The following IL1RAPL1 variants were observed in gnomAD, a reference collection of about 807,000 sequenced individuals.
IL1RAPL1 encodes interleukin-1 receptor accessory protein-like 1.
IL1RAPL1 carries 3 observed loss-of-function variants against 48.4 expected under a neutral mutation model. The ratio of observed to expected loss-of-function variants is 0.06; its 90% confidence interval spans 0.03 to 0.16. The LOEUF (loss-of-function observed/expected upper bound fraction) is 0.16. Among genes scored for constraint, IL1RAPL1 ranks in the 10% least tolerant of loss-of-function variants. IL1RAPL1 has a pLI of 1.00. For missense variants in IL1RAPL1, 349 were observed against 530.6 expected, an observed-to-expected ratio of 0.66 and a Z score of 3.36; for synonymous variants, 185 against 187.7, an observed-to-expected ratio of 0.99 and a Z score of 0.12.
intron 5 of IL1RAPL1, among the ~76,000 whole-genome samples, chrX:29,553,946 AGG>A (rs1483697828): frequency 9.6e-6 from 1 of 104,251 alleles, no homozygotes; most frequent in Non-Finnish European, 2.0e-5. Flanking sequence ...TTTTTATTCG[AGG>A]GAAACTAATT....
chrX:29,200,025 G>A (rs914523169), intron 2 of IL1RAPL1, among the ~76,000 whole-genome samples: 19 of 111,220 alleles, frequency 1.7e-4, no homozygotes, highest in African/African-American at 5.9e-4. Context: ...TGTTTGTTCA[G>A]GATATACCCA....
chrX:29,252,167 A>T (rs1373098175), intron 2 of IL1RAPL1, among the ~76,000 whole-genome samples: 1 of 112,864 alleles, frequency 8.9e-6, no homozygotes, highest in Non-Finnish European at 1.9e-5. Context: ...CTAATGCTAG[A>T]TGACGAGTTA....
chrX:29,461,636 T>C (rs1055116650), intron 5 of IL1RAPL1, among the ~76,000 whole-genome samples: 3 of 111,427 alleles, frequency 2.7e-5, no homozygotes, highest in Non-Finnish European at 5.7e-5. Context: ...AGTGAATAGA[T>C]AAACAAAATA....
intron 2 of IL1RAPL1, among the ~76,000 whole-genome samples, chrX:29,215,188 A>G (rs1333008514): frequency 9.1e-6 from 1 of 110,411 alleles, no homozygotes; most frequent in East Asian, 2.8e-4. Context: ...TCTCTACTAA[A>G]AATACAAAAA....
At chrX:29,873,783 G>A (rs922052646) in intron 6 of IL1RAPL1, among the ~76,000 whole-genome samples, 6 of 111,805 alleles carry the variant, frequency 5.4e-5, no homozygotes, top group East Asian at 5.6e-4. Context: ...GCGTTAATGA[G>A]TACAGCAATG....
At chrX:28,594,511 C>A (rs1195645819) in intron 1 of IL1RAPL1, among the ~76,000 whole-genome samples, 1 of 110,798 alleles carries the variant, frequency 9.0e-6, no homozygotes, top group Non-Finnish European at 1.9e-5. Flanking sequence ...TAAGGGATGC[C>A]CCATTATGTG....
intron 1 of IL1RAPL1, among the ~76,000 whole-genome samples, chrX:28,773,572 A>G (rs1346261502): frequency 8.9e-6 from 1 of 111,772 alleles, no homozygotes; most frequent in East Asian, 2.8e-4. Context: ...TCATATTTCT[A>G]TCACTAAATT....
chrX:29,576,892 T>C, intron 5 of IL1RAPL1, among the ~76,000 whole-genome samples: 1 of 69,565 alleles, frequency 1.4e-5, no homozygotes. Context: ...AAAGACTTTG[T>C]TGGTTACAAA....
At chrX:29,318,610 C>T (rs1242205505) in intron 3 of IL1RAPL1, among the ~76,000 whole-genome samples, 1 of 112,298 alleles carries the variant, frequency 8.9e-6, no homozygotes, top group African/African-American at 3.2e-5. Flanking sequence ...AGAAAGATGC[C>T]TATGCAACTT....
intron 1 of IL1RAPL1, among the ~76,000 whole-genome samples, chrX:28,741,954 A>G (rs1935912385): frequency 1.8e-5 from 2 of 111,548 alleles, no homozygotes; most frequent in African/African-American, 6.5e-5. Context: ...GGGGATTTAT[A>G]TTTTTTGTTT....
chrX:29,176,272 T>G (rs1478236193), intron 2 of IL1RAPL1, among the ~76,000 whole-genome samples: 1 of 103,355 alleles, frequency 9.7e-6, no homozygotes, highest in Non-Finnish European at 2.0e-5. Flanking sequence ...TTTTTTTTTT[T>G]TTTGTATTTT....
chrX:29,235,975 C>T (rs1931283876), intron 2 of IL1RAPL1, among the ~76,000 whole-genome samples: 1 of 111,940 alleles, frequency 8.9e-6, no homozygotes, highest in South Asian at 3.7e-4. Context: ...AACATAATGT[C>T]GAGAAGCAAG....
chrX:28,795,179 A>G (rs1340530554), intron 2 of IL1RAPL1, among the ~76,000 whole-genome samples: 1 of 111,468 alleles, frequency 9.0e-6, no homozygotes, highest in African/African-American at 3.3e-5. Context: ...ATTTTTTCTC[A>G]GGAAAAAAAA....
chrX:29,761,304 A>G (rs1410568061), intron 6 of IL1RAPL1, among the ~76,000 whole-genome samples: 1 of 111,544 alleles, frequency 9.0e-6, no homozygotes, highest in Non-Finnish European at 1.9e-5. Flanking sequence ...CTATTATACA[A>G]TATCAGGGGC....
chrX:29,080,514 T>G (rs1192822605), intron 2 of IL1RAPL1, among the ~76,000 whole-genome samples: 1 of 111,165 alleles, frequency 9.0e-6, no homozygotes, highest in Non-Finnish European at 1.9e-5. Flanking sequence ...GGCTTTAATC[T>G]ATGAACAAGA....
chrX:29,402,552 T>C (rs1180023619), intron 5 of IL1RAPL1, among the ~76,000 whole-genome samples: 1 of 111,978 alleles, frequency 8.9e-6, no homozygotes, highest in East Asian at 2.8e-4. Flanking sequence ...AGAAATCCCA[T>C]CTAGCCTGCA....
intron 5 of IL1RAPL1, among the ~76,000 whole-genome samples, chrX:29,549,726 C>T (rs1338514559): frequency 1.8e-5 from 2 of 111,786 alleles, no homozygotes; most frequent in African/African-American, 6.5e-5. Flanking sequence ...ATGCATATGG[C>T]TTTCTAGGTA....
intron 2 of IL1RAPL1, among the ~76,000 whole-genome samples, chrX:28,881,753 G>C (rs191137040): frequency 1.8e-5 from 2 of 111,008 alleles, no homozygotes; most frequent in East Asian, 2.8e-4. Flanking sequence ...TCACCGGAAG[G>C]GTTTACCAGC....
chrX:29,634,597 G>A (rs1226019204), intron 5 of IL1RAPL1, among the ~76,000 whole-genome samples: 1 of 111,470 alleles, frequency 9.0e-6, no homozygotes, highest in Non-Finnish European at 1.9e-5. Context: ...TCCAACCCAA[G>A]AGAAAAGACC....
Sources: allele counts gnomAD v4.1 joint callset (sites outside exome capture counted in the v4.1 genomes callset), GRCh38; gene constraint gnomAD v4.1.1; transcripts MANE v1.5; gene names NCBI Gene and HGNC (gene_info 2026-07-23, HGNC 2026-07-21).